KMT2E: variants seen among roughly 807,000 people sequenced by gnomAD.
The protein encoded by KMT2E is histone reader KMT2E.
A neutral mutation model predicts 184.6 loss-of-function variants in KMT2E; 30 were observed. The observed-to-expected ratio is 0.16, with a 90% confidence interval of 0.12 to 0.22. The LOEUF is 0.22. KMT2E is among the 10% of genes least tolerant of loss of function. The probability of loss-of-function intolerance (pLI) is 1.00; values close to 1 mark genes in which losing one functional copy is unlikely to be tolerated. For synonymous variants in KMT2E, 815 were observed against 776.5 expected, an observed-to-expected ratio of 1.05 and a Z score of -0.82; for missense variants, 2,023 against 2,237.4, an observed-to-expected ratio of 0.90 and a Z score of 1.93.
chr7:105,083,650 C>T (rs1031015126), intron 13 of KMT2E, among the ~76,000 whole-genome samples: 10 of 152,228 alleles, frequency 6.6e-5, no homozygotes, highest in African/African-American at 2.4e-4. Flanking sequence ...TAGAGTTAAT[C>T]TGTCCCTTCC....
intron 15 of KMT2E, among the ~76,000 whole-genome samples, chr7:105,093,953 C>T (rs770973893): frequency 1.3e-5 from 2 of 152,040 alleles, no homozygotes; most frequent in Non-Finnish European, 2.9e-5. Flanking sequence ...TTTGGTATTT[C>T]GAAAGGATAT....
intron 1 of KMT2E, among the ~76,000 whole-genome samples, chr7:105,016,988 G>A (rs1023699663): frequency 6.6e-6 from 1 of 152,094 alleles, no homozygotes; most frequent in Admixed American, 6.5e-5. Flanking sequence ...AATGTTGGTG[G>A]GTAGTGGGCG....
In KMT2E at chr7:105,111,812, T is replaced by C. The variant is rs1323325385; in HGVS notation, c.4069-13T>C. 6.3e-7 allele frequency: 1 copy of C among 1,591,772 alleles called. No individual in the cohort carries two copies. Among genetic ancestry groups the C allele is most frequent in the African/African-American group, 1.4e-5 (1 of 73,636 alleles). Reference sequence around the variant, plus strand: ...TGTTCCTTGAATGTATATAATTTGTTTTCTCTTCATAGCCTGGTTCACCTG... The same window carrying C: ...TGTTCCTTGAATGTATATAATTTGTCTTCTCTTCATAGCCTGGTTCACCTG... On this transcript the variant is annotated splice_polypyrimidine_tract_variant and intron_variant, in intron 26 of 26. Transcript: ENST00000311117.
intron 1 of KMT2E, among the ~76,000 whole-genome samples, 173 bp downstream of exon 1, chr7:105,014,708 TC>T (rs2129563575): frequency 6.6e-6 from 1 of 152,296 alleles, no homozygotes; most frequent in East Asian, 1.9e-4. Context: ...ATTTATTCTT[TC>T]TTCTCCCTGA....
chr7:105,074,528 A>T lies in KMT2E; in HGVS notation c.557-115A>T, dbSNP rs900166236. 8 of 712,090 alleles carry T rather than the reference A, an allele frequency of 1.1e-5. No individual in the cohort carries two copies. In the Admixed American group the frequency reaches 1.3e-4, roughly 12 times the overall value. The allele number at this position is 712,090 out of a possible 1,614,324, so 44.1% of individuals were successfully genotyped here. On this transcript the variant is annotated intron_variant, in intron 7 of 26. Coordinates refer to ENST00000311117, the MANE Select transcript of KMT2E (RefSeq NM_182931.3). ...AGTGAGGTGAGTGAACAAGTTAAAA[A>T]ATGTGCTTATTTAGAAAGATGGAGA...
intron 3 of KMT2E, among the ~76,000 whole-genome samples, chr7:105,057,739 A>G (rs1796628364): frequency 6.6e-6 from 1 of 152,124 alleles, no homozygotes; most frequent in South Asian, 2.1e-4. Flanking sequence ...AGCGTGAGCC[A>G]CTGCGCCCAG....
rs1383031968 is a variant in KMT2E at position 105,062,608 on chromosome 7, TTA to T, written c.186+331_186+332del. Among the ~76,000 whole-genome samples the T allele has an allele frequency of 2.6e-5, 4 of 151,966 alleles. No homozygotes were observed. The South Asian group carries it at 6.2e-4, about 24-fold the overall frequency. On this transcript the variant is annotated intron_variant, in intron 4 of 26. Coordinates refer to ENST00000311117, the MANE Select transcript of KMT2E (RefSeq NM_182931.3). The stretch of plus-strand genomic sequence containing the variant: ...TAATTTTGTTTTAATTTTTTGATTT[TTA>T]GTTTTTGAATTATATAGTAATTTAT...
rs772276065 is a variant in KMT2E at position 105,113,319 on chromosome 7, TC to T, written c.5564del (p.Ser1855Ter). ...PPTFQNNYHG[S>X]GWH ...AACATTTCAAAACAATTACCATGGG[TC>T]AGGGTGGCATTAAAATGGACTCCAA... On this transcript the variant is annotated frameshift_variant, in exon 27 of 27. Coordinates refer to ENST00000311117, the MANE Select transcript of KMT2E (RefSeq NM_182931.3). LOFTEE classifies it high-confidence loss of function. 6.2e-7 allele frequency: 1 copy of T among 1,606,874 alleles called. No homozygotes were observed. Among genetic ancestry groups the T allele is most frequent in the South Asian group, 1.1e-5 (1 of 90,786 alleles).
chr7:105,114,969 C>G lies in KMT2E; in HGVS notation c.*1636C>G, dbSNP rs1046532565. Among the ~76,000 whole-genome samples the G allele has an allele frequency of 7.2e-5, 11 of 152,286 alleles. No individual in the cohort carries two copies. The highest frequency in any genetic ancestry group is 2.6e-4 in the African/African-American group (11 of 41,566). On this transcript the variant is annotated 3_prime_UTR_variant, in exon 27 of 27. Coordinates refer to ENST00000311117, the MANE Select transcript of KMT2E (RefSeq NM_182931.3). ...TTTACATCATCTATCCTGATAGTTT[C>G]AAACAGAATAAAGGTAACTAGCATG...
Position 105,040,843 on chromosome 7 carries a change from T to C in KMT2E, c.-110T>C. The stretch of plus-strand genomic sequence containing the variant: ...GTCTCCTTTTCTTTTAAACAGGGTT[T>C]GTGGATGCACTTAGATGTTTGCAAT... On this transcript the variant is annotated 5_prime_UTR_variant, in exon 3 of 27. Coordinates refer to ENST00000311117, the MANE Select transcript of KMT2E (RefSeq NM_182931.3). 1 of 628,434 alleles carries C rather than the reference T, an allele frequency of 1.6e-6. No individual in the cohort carries two copies. Among genetic ancestry groups the C allele is most frequent in the Admixed American group, 2.6e-5 (1 of 39,156 alleles). 38.9% of individuals were successfully genotyped at this position (628,434 alleles called of 1,614,324 possible).
chr7:105,016,798 T>C (rs1482146165), intron 1 of KMT2E, among the ~76,000 whole-genome samples: 1 of 152,212 alleles, frequency 6.6e-6, no homozygotes, highest in African/African-American at 2.4e-5. Context: ...ATTGTAAATA[T>C]TTTAGAGCAG....
At chr7:105,102,500 T>C (rs1258933514) in intron 17 of KMT2E, 2 of 189,604 alleles carry the variant, frequency 1.1e-5, no homozygotes, top group Non-Finnish European at 2.1e-5. Context: ...GTTTTAGATG[T>C]GTTATCCTTT....
intron 3 of KMT2E, among the ~76,000 whole-genome samples, chr7:105,042,966 T>C (rs1005762605): frequency 2.6e-5 from 4 of 152,150 alleles, no homozygotes; most frequent in Non-Finnish European, 5.9e-5. Context: ...GTCTTAACAC[T>C]CAAAGGGAAA....
intron 5 of KMT2E, among the ~76,000 whole-genome samples, chr7:105,064,949 C>T (rs889631150): frequency 1.1e-4 from 16 of 151,938 alleles, no homozygotes; most frequent in Non-Finnish European, 1.8e-4. Flanking sequence ...TTTGATATAA[C>T]GGCGATGGTC....
At chr7:105,056,043 A>G (rs1277287654) in intron 3 of KMT2E, among the ~76,000 whole-genome samples, 1 of 152,128 alleles carries the variant, frequency 6.6e-6, no homozygotes, top group South Asian at 2.1e-4. Context: ...ACAGTGTCTT[A>G]TCTTTGTATC....
At chr7:105,077,673 C>T in intron 11 of KMT2E, 1 of 392,136 alleles carries the variant, frequency 2.6e-6, no homozygotes, top group Non-Finnish European at 4.6e-6. Context: ...TGCTGAAAAT[C>T]CTAAAACAAT....
At chr7:105,051,486 A>T (rs1399295569) in intron 3 of KMT2E, among the ~76,000 whole-genome samples, 2 of 152,068 alleles carry the variant, frequency 1.3e-5, no homozygotes, top group African/African-American at 4.8e-5. Flanking sequence ...CCCCTGCATC[A>T]TCTATTTCTT....
At chr7:105,081,510 T>A (rs562054548) in intron 12 of KMT2E, among the ~76,000 whole-genome samples, 178 bp from the exon 13 acceptor site, 1 of 152,074 alleles carries the variant, frequency 6.6e-6, no homozygotes, top group Non-Finnish European at 1.5e-5. Flanking sequence ...AGTATATGAT[T>A]GAAAAACCTT....
intron 17 of KMT2E, 147 bp downstream of exon 17, chr7:105,102,341 C>A: frequency 1.8e-6 from 1 of 570,802 alleles, no homozygotes; most frequent in South Asian, 2.8e-5. Context: ...AATGAGAATT[C>A]CAAAACTGTA....
Sources: allele counts gnomAD v4.1 joint callset (sites outside exome capture counted in the v4.1 genomes callset), GRCh38; gene constraint gnomAD v4.1.1; transcripts MANE v1.5; gene names NCBI Gene and HGNC (gene_info 2026-07-23, HGNC 2026-07-21).